OTOGL: variants seen among roughly 807,000 people sequenced by gnomAD.
The protein encoded by OTOGL is otogelin like, also known as otogelin-like protein.
In OTOGL, 285 loss-of-function variants were observed where a neutral mutation model predicts 318.5. The observed-to-expected ratio is 0.89, with a 90% CI of 0.81 to 0.99. The LOEUF (loss-of-function observed/expected upper bound fraction) is 0.99. Ranked by LOEUF, OTOGL falls within the 50% of genes least tolerant of loss-of-function variation. The pLI, the probability that OTOGL is intolerant of heterozygous loss-of-function variation, is 0.00. For synonymous variants in OTOGL, 987 were observed against 936.5 expected, an observed-to-expected ratio of 1.05 and a Z score of -0.99; for missense variants, 2,899 against 2,845.6, an observed-to-expected ratio of 1.02 and a Z score of -0.43.
chr12:80,252,490 A>G (rs1249836004), intron 13 of OTOGL, among the ~76,000 whole-genome samples: 3 of 152,198 alleles, frequency 2.0e-5, no homozygotes, highest in South Asian at 2.1e-4. Flanking sequence ...CAATTTATAT[A>G]TCTTCACTTT....
intron 1 of OTOGL, among the ~76,000 whole-genome samples, chr12:80,144,601 T>G (rs1392161786): frequency 6.6e-6 from 1 of 151,916 alleles, no homozygotes; most frequent in East Asian, 1.9e-4. Flanking sequence ...AAATGGTATT[T>G]CTAGTTCTAG....
At chr12:80,308,167 G>T (rs1475472222) in intron 29 of OTOGL, among the ~76,000 whole-genome samples, 1 of 150,500 alleles carries the variant, frequency 6.6e-6, no homozygotes, top group African/African-American at 2.4e-5. Flanking sequence ...CCTCCCTCCC[G>T]GACGAGGTGG....
intron 1 of OTOGL, among the ~76,000 whole-genome samples, chr12:80,181,433 CT>C (rs1055041241): frequency 6.6e-6 from 1 of 152,000 alleles, no homozygotes. Flanking sequence ...GAAGTGTTCT[CT>C]TTTCTATTAT....
chr12:80,331,821 T>C (rs576687667), intron 37 of OTOGL, among the ~76,000 whole-genome samples: 1 of 152,198 alleles, frequency 6.6e-6, no homozygotes, highest in South Asian at 2.1e-4. Flanking sequence ...TATCCTGGAA[T>C]ATTCATGTGG....
chr12:80,254,674 T>C, intron 15 of OTOGL, 104 bp downstream of exon 15: 1 of 883,126 alleles, frequency 1.1e-6, no homozygotes, highest in Non-Finnish European at 1.7e-6. Flanking sequence ...TACCAAGGGC[T>C]ACAATAATCT....
At chr12:80,294,203 T>C (rs947841187) in intron 26 of OTOGL, among the ~76,000 whole-genome samples, 2 of 152,102 alleles carry the variant, frequency 1.3e-5, no homozygotes, top group Non-Finnish European at 2.9e-5. Context: ...ATGGAAAGTA[T>C]AGAAATGTGA....
At chr12:80,261,916 AT>A in intron 18 of OTOGL, 52 bp from the exon 19 acceptor site, 1 of 1,575,708 alleles carries the variant, frequency 6.3e-7, no homozygotes, top group South Asian at 1.2e-5. Flanking sequence ...TCTGAAGGTT[AT>A]GAACAAATGA....
chr12:80,208,484 G>T (rs1011919998), intron 1 of OTOGL, among the ~76,000 whole-genome samples: 7 of 152,194 alleles, frequency 4.6e-5, no homozygotes, highest in African/African-American at 1.7e-4. Context: ...TAATAGTGCA[G>T]TTAACTCATG....
chr12:80,253,870 C>T (rs1196830056), intron 14 of OTOGL, among the ~76,000 whole-genome samples: 1 of 151,998 alleles, frequency 6.6e-6, no homozygotes, highest in Non-Finnish European at 1.5e-5. Flanking sequence ...CTTGATGGTG[C>T]TTCTGGGCTT....
chr12:80,141,440 T>C (rs1281568443), intron 1 of OTOGL, among the ~76,000 whole-genome samples: 1 of 152,224 alleles, frequency 6.6e-6, no homozygotes, highest in African/African-American at 2.4e-5. Context: ...CTTTTATTTC[T>C]TGGTGCCTGG....
intron 23 of OTOGL, among the ~76,000 whole-genome samples, chr12:80,270,972 T>C (rs1222742811): frequency 6.6e-6 from 1 of 152,146 alleles, no homozygotes; most frequent in Non-Finnish European, 1.5e-5. Context: ...GTATATATTA[T>C]TATTAAAGAG....
intron 26 of OTOGL, among the ~76,000 whole-genome samples, chr12:80,285,626 T>G (rs1483687401): frequency 6.6e-6 from 1 of 152,080 alleles, no homozygotes; most frequent in Admixed American, 6.6e-5. Context: ...GTATTTTATT[T>G]TCTTTATAGC....
intron 1 of OTOGL, among the ~76,000 whole-genome samples, chr12:80,174,141 C>T (rs955554828): frequency 3.9e-5 from 6 of 152,200 alleles, no homozygotes; most frequent in Non-Finnish European, 8.8e-5. Context: ...GAGTCTCTAG[C>T]TGATTCCAAC....
intron 1 of OTOGL, among the ~76,000 whole-genome samples, chr12:80,111,208 T>G (rs773986985): frequency 6.6e-6 from 1 of 152,238 alleles, no homozygotes; most frequent in Non-Finnish European, 1.5e-5. Context: ...AGGTTGCCTG[T>G]TCACTCCAAT....
chr12:80,255,003 C>CTTTTCT (rs771265006), intron 15 of OTOGL, 37 bp from the exon 16 acceptor site: 1 of 1,401,588 alleles, frequency 7.1e-7, no homozygotes, highest in East Asian at 2.7e-5. Context: ...TCTCCACCTC[C>CTTTTCT]TTTTCTTTTT....
At position 80,238,868 on chromosome 12, in the gene OTOGL, A is replaced by G. The variant is rs1880099658; in HGVS notation, c.835A>G (p.Ile279Val). The G allele has an allele frequency of 6.4e-7, 1 of 1,553,832 alleles. No individual in the cohort carries two copies. The highest frequency in any genetic ancestry group is 1.9e-5 in the Admixed American group (1 of 53,084). The change falls in exon 10 of 59, where the codon ATC (isoleucine) becomes GTC (valine). Residue 279 changes from isoleucine (I) to valine (V), a missense_variant. Coordinates refer to ENST00000547103, the MANE Select transcript of OTOGL (RefSeq NM_001378609.3). ...IILQEDYTEDIAMFANSWSVQ... is the reference protein window; with the variant it reads ...IILQEDYTEDVAMFANSWSVQ... ...TGAAATAGAGGACTATACAGAAGACATCGCTATGTTTGCAAATAGTTGGTC... is the reference window on the plus strand; with the variant it reads ...TGAAATAGAGGACTATACAGAAGACGTCGCTATGTTTGCAAATAGTTGGTC...
At chr12:80,165,086 G>A (rs965031323) in intron 1 of OTOGL, among the ~76,000 whole-genome samples, 4 of 152,206 alleles carry the variant, frequency 2.6e-5, no homozygotes, top group African/African-American at 9.6e-5. Flanking sequence ...TCATGATAGC[G>A]CTTTCTCCCT....
chr12:80,277,795 T>C (rs938533958), intron 24 of OTOGL, among the ~76,000 whole-genome samples: 1 of 151,558 alleles, frequency 6.6e-6, no homozygotes, highest in Non-Finnish European at 1.5e-5. Context: ...CAGAAAATTG[T>C]AGGCCCTATA....
intron 34 of OTOGL, among the ~76,000 whole-genome samples, chr12:80,323,125 CACACACACACACACACACACACATAT>C (rs1166211929): frequency 7.9e-6 from 1 of 126,072 alleles, no homozygotes; most frequent in Non-Finnish European, 1.8e-5. Flanking sequence ...CACACACACA[CACACACACACACACACACACACATAT>C]ATAAAATATT....
Sources: allele counts gnomAD v4.1 joint callset (sites outside exome capture counted in the v4.1 genomes callset), GRCh38; gene constraint gnomAD v4.1.1; transcripts MANE v1.5; gene names NCBI Gene and HGNC (gene_info 2026-07-23, HGNC 2026-07-21).